AGPS: variants seen among roughly 807,000 people sequenced by gnomAD.
AGPS encodes alkyldihydroxyacetonephosphate synthase, peroxisomal.
In AGPS, 26 loss-of-function variants were observed where a neutral mutation model predicts 90.7. The observed-to-expected ratio is 0.29, with a 90% CI of 0.21 to 0.40. The LOEUF is 0.40. Among genes scored for constraint, AGPS ranks in the 10% least tolerant of loss-of-function variants. The pLI is 1.00. For missense variants in AGPS, 540 were observed against 816.1 expected (o/e 0.66, Z 4.12); for synonymous variants, 294 against 285.3 (o/e 1.03, Z -0.31).
intron 17 of AGPS, among the ~76,000 whole-genome samples, chr2:177,519,869 G>A (rs1188540029): frequency 6.6e-6 from 1 of 152,196 alleles, no homozygotes; most frequent in African/African-American, 2.4e-5. Flanking sequence ...ATAAAAGAAT[G>A]ACTACTCCAT....
intron 1 of AGPS, among the ~76,000 whole-genome samples, chr2:177,407,604 G>A (rs1434478948): frequency 2.0e-5 from 3 of 152,028 alleles, no homozygotes; most frequent in Non-Finnish European, 4.4e-5. Flanking sequence ...CAAACCTTGA[G>A]GGATCTGCCC....
In AGPS at chr2:177,538,335, G is replaced by T; in HGVS notation, c.*140G>T. 1.0e-6 allele frequency: 1 copy of T among 958,704 alleles called. No homozygotes were observed. Among genetic ancestry groups the T allele is most frequent in the Non-Finnish European group, 1.5e-6 (1 of 648,256 alleles). 59.4% of individuals were successfully genotyped at this position (958,704 alleles called of 1,614,324 possible). A position where few individuals can be genotyped will look rare whatever the true frequency, so the allele number is the denominator to read the frequency against. ...TTTAAAATAAGTTTGTTTTCATTCT[G>T]TAGTTTGTTTTGTTTCTACATCTAT... is the stretch of plus-strand genomic sequence containing the variant. On this transcript the variant is annotated 3_prime_UTR_variant, in exon 20 of 20. Coordinates refer to ENST00000264167, the MANE Select transcript of AGPS (RefSeq NM_003659.4).
chr2:177,420,467 T>C, intron 2 of AGPS, 109 bp downstream of exon 2: 1 of 847,676 alleles, frequency 1.2e-6, no homozygotes, highest in Non-Finnish European at 2.0e-6. Flanking sequence ...TTAAACATTA[T>C]CAACATTTTG....
intron 11 of AGPS, among the ~76,000 whole-genome samples, chr2:177,484,438 G>T (rs1292510921): frequency 6.6e-6 from 1 of 151,366 alleles, no homozygotes; most frequent in Non-Finnish European, 1.5e-5. Context: ...CTGACTCCCG[G>T]ATTCAAGCAA....
At chr2:177,483,311 G>T (rs571712830) in intron 11 of AGPS, among the ~76,000 whole-genome samples, 1 of 152,086 alleles carries the variant, frequency 6.6e-6, no homozygotes, top group Non-Finnish European at 1.5e-5. Context: ...TCCCAGTGCT[G>T]TTTATTCCAT....
Position 177,542,219 on chromosome 2 carries a change from A to G in AGPS, c.*4024A>G, listed in dbSNP as rs749900230. 1.5e-4 allele frequency: 23 copies of G among 152,156 alleles called. No individual in the cohort carries two copies. The highest frequency in any genetic ancestry group is 2.6e-4 in the Non-Finnish European group (18 of 68,026). The allele number at this position is 152,156 out of a possible 1,614,324, so 9.4% of individuals were successfully genotyped here. A position where few individuals can be genotyped will look rare whatever the true frequency, so the allele number is the denominator to read the frequency against. On this transcript the variant is annotated 3_prime_UTR_variant, in exon 20 of 20. Transcript: ENST00000264167. ...CAAAATCAAGTGCAACCTACTTGTG[A>G]CTAAATCTCTTTGGATTTATAGCTG...
intron 7 of AGPS, among the ~76,000 whole-genome samples, chr2:177,444,464 T>C (rs756467203): frequency 6.6e-6 from 1 of 150,946 alleles, no homozygotes; most frequent in Non-Finnish European, 1.5e-5. Flanking sequence ...TACTACTGTC[T>C]TATAGTGAGA....
rs1688175479 is a variant in AGPS at position 177,489,074 on chromosome 2, T to C, written c.1234-4074T>C. 2.1e-5 allele frequency among the ~76,000 whole-genome samples: 3 copies of C among 146,074 alleles called. No individual in the cohort carries two copies. In the South Asian group the frequency reaches 6.5e-4, roughly 31 times the overall value. ...TTTTAGAAAAACCAGTTTTGCAGAATATTTTGATGTTTCTTTTTTTTTTTT... is the reference window on the plus strand; with the variant it reads ...TTTTAGAAAAACCAGTTTTGCAGAACATTTTGATGTTTCTTTTTTTTTTTT... On this transcript the variant is annotated intron_variant, in intron 11 of 19. Transcript: ENST00000264167.
intron 8 of AGPS, among the ~76,000 whole-genome samples, chr2:177,454,502 C>A (rs1270009952): frequency 6.6e-6 from 1 of 151,404 alleles, no homozygotes; most frequent in African/African-American, 2.4e-5. Context: ...TGTGTTAGTT[C>A]TGGATTGGTT....
chr2:177,459,283 AC>A (rs1169858704), intron 8 of AGPS, among the ~76,000 whole-genome samples: 2 of 152,240 alleles, frequency 1.3e-5, no homozygotes, highest in Admixed American at 1.3e-4. Context: ...TGTCTAAAAC[AC>A]CAAAAGCAAT....
At chr2:177,446,526 T>C (rs1291554432) in intron 8 of AGPS, among the ~76,000 whole-genome samples, 1 of 152,078 alleles carries the variant, frequency 6.6e-6, no homozygotes, top group Non-Finnish European at 1.5e-5. Flanking sequence ...TTGGTATTTG[T>C]ATATTGGGTG....
At chr2:177,462,653 T>C (rs1432413107) in intron 9 of AGPS, among the ~76,000 whole-genome samples, 1 of 151,058 alleles carries the variant, frequency 6.6e-6, no homozygotes, top group African/African-American at 2.4e-5. Flanking sequence ...CAAATGCAGC[T>C]CAAAAATATT....
intron 2 of AGPS, among the ~76,000 whole-genome samples, chr2:177,428,244 G>C (rs1333942347): frequency 2.0e-5 from 3 of 152,006 alleles, no homozygotes; most frequent in Admixed American, 2.0e-4. Context: ...TGGGTCTCTT[G>C]ACAGCATGCT....
intron 2 of AGPS, among the ~76,000 whole-genome samples, chr2:177,431,059 C>T (rs1686228194): frequency 6.6e-6 from 1 of 152,056 alleles, no homozygotes; most frequent in Non-Finnish European, 1.5e-5. Context: ...TCAGGGGAAC[C>T]CACCCCCAGT....
chr2:177,394,741 C>T (rs537768914), intron 1 of AGPS, among the ~76,000 whole-genome samples: 66 of 152,210 alleles, frequency 4.3e-4, no homozygotes, highest in African/African-American at 1.4e-3. Flanking sequence ...TTTGTAAAAA[C>T]GGGAACAGTA....
intron 8 of AGPS, among the ~76,000 whole-genome samples, chr2:177,450,336 G>A (rs1686900934): frequency 6.6e-6 from 1 of 151,988 alleles, no homozygotes; most frequent in Admixed American, 6.5e-5. Context: ...GTATTAATTT[G>A]TCTTTCTATC....
At chr2:177,440,815 AGT>A in intron 5 of AGPS, 148 bp from the exon 6 acceptor site, 1 of 618,334 alleles carries the variant, frequency 1.6e-6, no homozygotes, top group African/African-American at 1.9e-5. Context: ...AAAAAGGTAA[AGT>A]GTTTTAGTAC....
At chr2:177,439,826 A>C (rs560761678) in intron 5 of AGPS, among the ~76,000 whole-genome samples, 89 of 152,132 alleles carry the variant, frequency 5.9e-4, no homozygotes, top group Non-Finnish European at 1.1e-3. Context: ...TTTCTAAAAC[A>C]ATCTCTTTGC....
intron 10 of AGPS, among the ~76,000 whole-genome samples, chr2:177,470,895 T>C (rs983407927): frequency 3.3e-5 from 5 of 152,210 alleles, no homozygotes; most frequent in East Asian, 1.9e-4. Flanking sequence ...TCCATGACTT[T>C]GTATAAGTTA....
Sources: gnomAD v4.1 joint callset for allele counts (sites outside exome capture counted in the v4.1 genomes callset) on GRCh38, gnomAD v4.1.1 for gene constraint, MANE v1.5 for transcripts, NCBI Gene and HGNC (gene_info 2026-07-23, HGNC 2026-07-21) for gene names.